The following INPP5B variants were observed in gnomAD, a reference collection of about 807,000 sequenced individuals.
The protein encoded by INPP5B is inositol polyphosphate-5-phosphatase B.
Under a neutral mutation model 118.5 loss-of-function variants are expected in INPP5B, and 90 were observed. That is an observed-to-expected ratio of 0.76 (90% CI 0.64 to 0.90). INPP5B has a LOEUF of 0.90. Ranked by LOEUF, INPP5B falls within the 40% of genes least tolerant of loss-of-function variation. The probability of loss-of-function intolerance (pLI) is 0.00; values close to 1 mark genes in which losing one functional copy is unlikely to be tolerated. For missense variants in INPP5B, 984 were observed against 1,125.6 expected (o/e 0.87, Z 1.80); for synonymous variants, 385 against 418.9 (o/e 0.92, Z 0.99).
At chr1:37,920,686 G>C (rs906725986) in intron 7 of INPP5B, among the ~76,000 whole-genome samples, 3 of 137,438 alleles carry the variant, frequency 2.2e-5, no homozygotes, top group African/African-American at 2.5e-5. Flanking sequence ...AGAAGAAGAA[G>C]AACAAGAGTG....
chr1:37,915,832 C>T (rs917625926), intron 7 of INPP5B, among the ~76,000 whole-genome samples: 8 of 152,222 alleles, frequency 5.3e-5, no homozygotes, highest in African/African-American at 1.4e-4. Flanking sequence ...GTCAAAGACA[C>T]GTTATATTGA....
intron 7 of INPP5B, among the ~76,000 whole-genome samples, chr1:37,921,967 A>G (rs960829757): frequency 6.6e-6 from 1 of 151,946 alleles, no homozygotes; most frequent in Non-Finnish European, 1.5e-5. Context: ...AGGAGGTGGA[A>G]GCTGCAATGA....
intron 6 of INPP5B, among the ~76,000 whole-genome samples, chr1:37,938,270 AAAATAAAT>A (rs71057106): frequency 1.4e-4 from 17 of 118,842 alleles, no homozygotes; most frequent in African/African-American, 3.5e-4. Flanking sequence ...CTCTGTCTCA[AAAATAAAT>A]AAATAAATAA....
chr1:37,928,485 A>C (rs993067413), intron 7 of INPP5B: 1 of 152,408 alleles, frequency 6.6e-6, no homozygotes, highest in Non-Finnish European at 1.5e-5. Context: ...CAGACTCCCG[A>C]GTAGCTGGGA....
chr1:37,887,016 A>G lies in INPP5B; in HGVS notation c.1015-12T>C. ...CGGATAAGCTTCACCTGGAAAAGAG[A>G]GACATGGCATTAAATAGAAATTGCA... On this transcript the variant is annotated splice_polypyrimidine_tract_variant and intron_variant, in intron 11 of 23. Transcript: ENST00000373024. The G allele has an allele frequency of 6.2e-7, 1 of 1,607,304 alleles. No homozygotes were observed. Among genetic ancestry groups the G allele is most frequent in the Non-Finnish European group, 8.5e-7 (1 of 1,174,164 alleles).
intron 13 of INPP5B, among the ~76,000 whole-genome samples, chr1:37,885,301 C>G (rs1328003047): frequency 1.3e-5 from 2 of 151,998 alleles, no homozygotes; most frequent in Non-Finnish European, 2.9e-5. Flanking sequence ...GTAGTCCCAG[C>G]TACTCAGGAG....
chr1:37,869,150 G>A (rs1369706729), intron 19 of INPP5B, among the ~76,000 whole-genome samples: 2 of 151,352 alleles, frequency 1.3e-5, no homozygotes, highest in Non-Finnish European at 2.9e-5. Context: ...GTGCCATCAC[G>A]CCCGGCTAAT....
intron 7 of INPP5B, among the ~76,000 whole-genome samples, chr1:37,892,787 T>C (rs1272695645): frequency 6.6e-6 from 1 of 152,078 alleles, no homozygotes; most frequent in African/African-American, 2.4e-5. Flanking sequence ...CAAGATAACA[T>C]ACTAGGAGTT....
chr1:37,943,721 G>C (rs760912283), intron 4 of INPP5B, 52 bp from the exon 5 acceptor site: 5 of 1,612,508 alleles, frequency 3.1e-6, no homozygotes, highest in Non-Finnish European at 4.2e-6. Flanking sequence ...ACTCCCCCTT[G>C]CCCCCCCATC....
chr1:37,938,735 G>C (rs981464703), intron 6 of INPP5B, among the ~76,000 whole-genome samples: 4 of 152,234 alleles, frequency 2.6e-5, no homozygotes, highest in Non-Finnish European at 4.4e-5. Flanking sequence ...TTAAGATTTA[G>C]AGATAAATTT....
intron 6 of INPP5B, 48 bp downstream of exon 6, chr1:37,940,640 A>C: frequency 1.8e-6 from 2 of 1,086,136 alleles, no homozygotes; most frequent in Non-Finnish European, 1.4e-6. Flanking sequence ...TGGGTAGGTG[A>C]ATACCCAGCA....
At chr1:37,921,210 G>A (rs1043850232) in intron 7 of INPP5B, among the ~76,000 whole-genome samples, 3 of 152,176 alleles carry the variant, frequency 2.0e-5, no homozygotes, top group Admixed American at 6.5e-5. Context: ...AATGGTAAGT[G>A]CTACTAATAA....
intron 10 of INPP5B, 25 bp from the exon 11 acceptor site, chr1:37,887,490 AT>A: frequency 7.3e-7 from 1 of 1,373,738 alleles, no homozygotes; most frequent in Non-Finnish European, 1.0e-6. Context: ...AACCAGTTAG[AT>A]AGTAAAGAAA....
chr1:37,888,788 C>T (rs933535131), intron 9 of INPP5B, among the ~76,000 whole-genome samples: 15 of 152,148 alleles, frequency 9.9e-5, no homozygotes, highest in African/African-American at 2.7e-4. Context: ...CCCAATGCAA[C>T]GATTTTGAAA....
intron 7 of INPP5B, among the ~76,000 whole-genome samples, chr1:37,898,605 G>A (rs1206533066): frequency 6.6e-6 from 1 of 151,812 alleles, no homozygotes; most frequent in Admixed American, 6.6e-5. Context: ...TGAGGCAGGA[G>A]AATGGTGTGA....
At chr1:37,865,309 C>T (rs1479909963) in intron 22 of INPP5B, among the ~76,000 whole-genome samples, 2 of 152,134 alleles carry the variant, frequency 1.3e-5, no homozygotes, top group South Asian at 2.1e-4. Flanking sequence ...GATCATAGAA[C>T]GTCTTCAATA....
At chr1:37,881,601 A>G (rs1213973386) in intron 14 of INPP5B, among the ~76,000 whole-genome samples, 1 of 152,246 alleles carries the variant, frequency 6.6e-6, no homozygotes, top group Non-Finnish European at 1.5e-5. Flanking sequence ...CCTTACATAT[A>G]GAGCTTAAAA....
chr1:37,872,063 C>CAAA (rs34131982), intron 19 of INPP5B, among the ~76,000 whole-genome samples: 4,419 of 58,032 alleles, frequency 0.076, 395 homozygotes, highest in Middle Eastern at 0.13. Flanking sequence ...GACTCCATCT[C>CAAA]AAAAAAAAAA....
intron 6 of INPP5B, among the ~76,000 whole-genome samples, chr1:37,936,787 G>A (rs28683126): frequency 0.44 from 65,579 of 148,376 alleles, 16,909 homozygotes; most frequent in Non-Finnish European, 0.59. Flanking sequence ...GTCTGGTCTC[G>A]AACCCCTAAC....
Sources: allele counts gnomAD v4.1 joint callset (sites outside exome capture counted in the v4.1 genomes callset), GRCh38; gene constraint gnomAD v4.1.1; transcripts MANE v1.5; gene names NCBI Gene and HGNC (gene_info 2026-07-23, HGNC 2026-07-21).